Variants in ITGA6 observed in about 807,000 individuals in gnomAD.
ITGA6 encodes integrin alpha-6.
A neutral mutation model predicts 133.6 loss-of-function variants in ITGA6; 63 were observed. That is an observed-to-expected ratio of 0.47 (90% CI 0.38 to 0.58). The LOEUF is 0.58. Ranked by LOEUF, ITGA6 falls within the 20% of genes least tolerant of loss-of-function variation. The pLI is 0.00. For synonymous variants in ITGA6, 434 were observed against 482.0 expected (o/e 0.90, Z 1.30); for missense variants, 1,068 against 1,309.4 (o/e 0.82, Z 2.85).
rs1685895855 is a variant in ITGA6 at position 172,470,863 on chromosome 2, A to G, written c.644-111A>G. On this transcript the variant is annotated intron_variant, in intron 4 of 25. Transcript: ENST00000684293. ...CTCTGTCCTTCCTTTTTTTCCTCCA[A>G]ATTTTTTTTCCTGTAACTAGTGATA... The G allele has an allele frequency of 4.5e-6, 5 of 1,106,126 alleles. No individual in the cohort carries two copies. The South Asian group carries it at 5.6e-5, about 12-fold the overall frequency. 68.5% of individuals were successfully genotyped at this position (1,106,126 alleles called of 1,614,324 possible).
At position 172,504,156 on chromosome 2, in the gene ITGA6, G is replaced by A; in HGVS notation, c.*88G>A. 6.3e-7 allele frequency: 1 copy of A among 1,597,076 alleles called. No individual in the cohort carries two copies. The highest frequency in any genetic ancestry group is 8.5e-7 in the Non-Finnish European group (1 of 1,170,896). ...CCCGATACCATGCTGTAAGGATCCG[G>A]AAAGAAGAGCGAGAGATCAAAGATG... is the stretch of plus-strand genomic sequence containing the variant. On this transcript the variant is annotated 3_prime_UTR_variant, in exon 26 of 26. Coordinates refer to ENST00000684293, the MANE Select transcript of ITGA6 (RefSeq NM_000210.4).
chr2:172,436,976 G>A (rs1279658710), intron 1 of ITGA6, among the ~76,000 whole-genome samples: 2 of 152,200 alleles, frequency 1.3e-5, no homozygotes, highest in African/African-American at 2.4e-5. Context: ...TGCAGATGGG[G>A]AGGGAAGTGG....
intron 1 of ITGA6, among the ~76,000 whole-genome samples, chr2:172,449,492 CCA>C (rs1684896202): frequency 6.6e-6 from 1 of 152,102 alleles, no homozygotes. Flanking sequence ...GTCCCTGTGC[CCA>C]TGGAGCTAAC....
At chr2:172,474,660 TG>T (rs936080175) in intron 6 of ITGA6, among the ~76,000 whole-genome samples, 1 of 152,098 alleles carries the variant, frequency 6.6e-6, no homozygotes, top group Admixed American at 6.6e-5. Context: ...TGGTGCCAGT[TG>T]GGGGGGTTAG....
chr2:172,492,941 C>T (rs1461409590), intron 23 of ITGA6, among the ~76,000 whole-genome samples: 1 of 152,138 alleles, frequency 6.6e-6, no homozygotes. Context: ...TGGAGTCTTG[C>T]TCTGTTACCC....
At position 172,501,853 on chromosome 2, in the gene ITGA6, A is replaced by G. The variant is rs1373476512; in HGVS notation, c.3196A>G (p.Lys1066Glu). The change falls in exon 25 of 26, where the codon AAA (lysine) becomes GAA (glutamate). Residue 1066 changes from lysine to glutamate, a missense_variant. Transcript: ENST00000684293. ...KAEIHAQPSD[K>E]ERLTSDA ...TGAGATCCATGCTCAGCCATCTGAT[A>G]AAGAGAGGCTTACTTCTGATGCATA... 2.5e-6 allele frequency: 4 copies of G among 1,612,116 alleles called. No individual in the cohort carries two copies. The highest frequency in any genetic ancestry group is 3.4e-6 in the Non-Finnish European group (4 of 1,178,904).
At chr2:172,450,011 C>G (rs1684921378) in intron 1 of ITGA6, among the ~76,000 whole-genome samples, 1 of 150,890 alleles carries the variant, frequency 6.6e-6, no homozygotes, top group South Asian at 2.1e-4. Flanking sequence ...AGATCTGAGT[C>G]AAGAGTGTTC....
At chr2:172,485,350 T>C (rs2149068372) in intron 13 of ITGA6, 86 bp downstream of exon 13, 1 of 1,207,562 alleles carries the variant, frequency 8.3e-7, no homozygotes, top group African/African-American at 1.5e-5. Flanking sequence ...ATAGAACTAG[T>C]GATTTGCTTT....
chr2:172,499,265 T>A (rs973571626), intron 24 of ITGA6, among the ~76,000 whole-genome samples: 20 of 152,188 alleles, frequency 1.3e-4, no homozygotes, highest in African/African-American at 4.6e-4. Flanking sequence ...GTATGGAGTT[T>A]TAGCCAGTTT....
intron 20 of ITGA6, among the ~76,000 whole-genome samples, chr2:172,490,406 C>A (rs1055338726): frequency 6.6e-6 from 1 of 152,128 alleles, no homozygotes; most frequent in Non-Finnish European, 1.5e-5. Flanking sequence ...ATGTTTATTT[C>A]TTTTATTTTA....
intron 1 of ITGA6, among the ~76,000 whole-genome samples, chr2:172,460,880 G>T (rs1311344954): frequency 6.6e-6 from 1 of 152,146 alleles, no homozygotes; most frequent in African/African-American, 2.4e-5. Context: ...TGACCAGCTT[G>T]CATAGCTAGG....
In ITGA6 at chr2:172,479,771, C is replaced by T. The variant is rs765420715; in HGVS notation, c.1487+32C>T. The T allele has an allele frequency of 1.9e-6, 3 of 1,560,058 alleles. No individual in the cohort carries two copies. In the South Asian group the frequency reaches 3.3e-5, roughly 17 times the overall value. On this transcript the variant is annotated intron_variant, in intron 10 of 25. Transcript: ENST00000684293. ...ATCCCTCTGTCTTGGTGGGATCCCC[C>T]TCAGTTTCCCACCTCCACTTCATGA...
In ITGA6 at chr2:172,506,314, A is replaced by AATC. The variant is rs1207235637; in HGVS notation, c.*2247_*2249dup. 6 of 152,554 alleles carry AATC rather than the reference A, an allele frequency of 3.9e-5. No individual in the cohort carries two copies. Among genetic ancestry groups the AATC allele is most frequent in the African/African-American group, 1.4e-4 (6 of 41,402 alleles). 9.5% of individuals were successfully genotyped at this position (152,554 alleles called of 1,614,324 possible). The stretch of plus-strand genomic sequence containing the variant: ...TGTTTTTATTTTTGGTGTCTCATGT[A>AATC]ATCTCAGATCAGCCAAAGATACTAG... On this transcript the variant is annotated 3_prime_UTR_variant, in exon 26 of 26. Coordinates refer to ENST00000684293, the MANE Select transcript of ITGA6 (RefSeq NM_000210.4).
intron 4 of ITGA6, among the ~76,000 whole-genome samples, chr2:172,470,540 T>C (rs992493770): frequency 5.9e-5 from 9 of 152,190 alleles, no homozygotes; most frequent in African/African-American, 1.9e-4. Flanking sequence ...TTTTAAAAGA[T>C]GAAATCTTGG....
chr2:172,475,102 T>C lies in ITGA6; in HGVS notation c.1160T>C (p.Ile387Thr). ...ATTGCAGTAAAAAATATTGGAGATA[T>C]TAATCAAGATGGCTACCCAGGTAGA... ...FGIAVKNIGD[I>T]NQDGYPDIAV... Residue 387 changes from isoleucine (I) to threonine (T), a missense_variant, in exon 7 of 26, where the codon ATT becomes ACT. By Grantham distance (89) the Ile-to-Thr change is moderately conservative. Around this residue, in one of 3 missense-constraint regions of ITGA6, gnomAD observed 317 missense variants for 456.9 expected, o/e 0.69. Coordinates refer to ENST00000684293, the MANE Select transcript of ITGA6 (RefSeq NM_000210.4). 7 of 1,580,066 alleles carry C rather than the reference T, an allele frequency of 4.4e-6. No individual in the cohort carries two copies. Among genetic ancestry groups the C allele is most frequent in the African/African-American group, 4.0e-5 (3 of 74,352 alleles).
intron 24 of ITGA6, 49 bp from the exon 25 acceptor site, chr2:172,501,723 T>C (rs373122404): frequency 1.3e-5 from 21 of 1,594,514 alleles, no homozygotes. Flanking sequence ...GTTGTTTGGC[T>C]CTTATACACA....
At chr2:172,488,252 T>C in intron 19 of ITGA6, 24 bp downstream of exon 19, 1 of 1,470,416 alleles carries the variant, frequency 6.8e-7, no homozygotes, top group Non-Finnish European at 9.5e-7. Context: ...GTTGGTCTTT[T>C]CATTATACCA....
intron 24 of ITGA6, among the ~76,000 whole-genome samples, chr2:172,499,459 G>A (rs1687263194): frequency 6.6e-6 from 1 of 152,078 alleles, no homozygotes. Context: ...TGACCTCCTG[G>A]GCTCAAGCAA....
Position 172,476,516 on chromosome 2 carries a change from C to T in ITGA6, c.1388+3C>T. On this transcript the variant is annotated splice_donor_region_variant and intron_variant, in intron 9 of 25. Coordinates refer to ENST00000684293, the MANE Select transcript of ITGA6 (RefSeq NM_000210.4). ...TCAGATTCAGTAACTATTTTCAGGTCTGTTATCTATGATTTTAGTGTTAAG... is the reference window on the plus strand; with the variant it reads ...TCAGATTCAGTAACTATTTTCAGGTTTGTTATCTATGATTTTAGTGTTAAG... 1.0e-5 allele frequency: 15 copies of T among 1,482,300 alleles called. No individual in the cohort carries two copies. Among genetic ancestry groups the T allele is most frequent in the Non-Finnish European group, 1.4e-5 (15 of 1,059,822 alleles). 91.8% of individuals were successfully genotyped at this position (1,482,300 alleles called of 1,614,324 possible).
Sources: gnomAD v4.1 joint callset for allele counts (sites outside exome capture counted in the v4.1 genomes callset) on GRCh38, gnomAD v4.1.1 for gene constraint, gnomAD v4.1.1 regional missense constraint, MANE v1.5 for transcripts, NCBI Gene and HGNC (gene_info 2026-07-23, HGNC 2026-07-21) for gene names.